FAM83A: variants seen among roughly 807,000 people sequenced by gnomAD.
The protein encoded by FAM83A is protein FAM83A.
A neutral mutation model predicts 24.4 loss-of-function variants in FAM83A; 21 were observed. The observed-to-expected ratio is 0.86, with a 90% confidence interval of 0.61 to 1.24. The LOEUF (loss-of-function observed/expected upper bound fraction) is 1.24, where lower values mean the gene tolerates loss of function less well. FAM83A is among the 50% of genes most tolerant of loss of function. The pLI is 0.00. For missense variants in FAM83A, 617 were observed against 579.8 expected, an observed-to-expected ratio of 1.06 and a Z score of -0.66; for synonymous variants, 270 against 252.4, an observed-to-expected ratio of 1.07 and a Z score of -0.66.
chr8:123,182,162 C>A (rs79026486), upstream of FAM83A: 1 of 455,170 alleles, frequency 2.2e-6, no homozygotes, highest in South Asian at 1.5e-5. Flanking sequence ...TCTGCAAACA[C>A]GACAATGACA....
chr8:123,201,058 G>C (rs996689843), intron 3 of FAM83A: 4 of 151,462 alleles, frequency 2.6e-5, no homozygotes, highest in Non-Finnish European at 5.9e-5. Flanking sequence ...GGGAGGGTGA[G>C]GCAGGAGAAT....
In FAM83A at chr8:123,209,748, C is replaced by T. The variant is rs1195530288; in HGVS notation, c.*2060C>T. Reference sequence around the variant, plus strand: ...AAGCCCCCCTACTCCTGACCACCCTCCATCAGCAGTCTCCCCTCCGTGGTC... The same window carrying T: ...AAGCCCCCCTACTCCTGACCACCCTTCATCAGCAGTCTCCCCTCCGTGGTC... On this transcript the variant is annotated 3_prime_UTR_variant, in exon 4 of 4. Transcript: ENST00000690554. The surrounding 1 kb of genome is among the most constrained non-coding windows in gnomAD (Gnocchi z 4.7). 3 of 597,872 alleles carry T rather than the reference C, an allele frequency of 5.0e-6. No homozygotes were observed. Among genetic ancestry groups the T allele is most frequent in the South Asian group, 2.2e-5 (1 of 46,456 alleles). 37.0% of individuals were successfully genotyped at this position (597,872 alleles called of 1,614,324 possible).
intron 1 of FAM83A, among the ~76,000 whole-genome samples, chr8:123,188,898 G>A (rs1823888156): frequency 6.6e-6 from 1 of 152,182 alleles, no homozygotes; most frequent in African/African-American, 2.4e-5. Context: ...CCTAGACAGG[G>A]TGAGCCTGTA....
At chr8:123,199,199 A>G (rs1381094433) in intron 3 of FAM83A, among the ~76,000 whole-genome samples, 5 of 152,200 alleles carry the variant, frequency 3.3e-5, no homozygotes, top group Admixed American at 3.3e-4. Context: ...GGCATCTGAG[A>G]TGCACTAAAA....
exon 4 of FAM83A, chr8:123,207,771 G>A (rs565898168): frequency 2.3e-5 from 33 of 1,409,618 alleles, no homozygotes; most frequent in African/African-American, 4.4e-5. Context: ...GACGAGTGGC[G>A]TTGAGCCACT....
In FAM83A at chr8:123,209,982, TG is replaced by T. The variant is rs1824682969; in HGVS notation, c.*2298del. 5.2e-6 allele frequency: 1 copy of T among 191,534 alleles called. No individual in the cohort carries two copies. Among genetic ancestry groups the T allele is most frequent in the Admixed American group, 5.3e-5 (1 of 18,874 alleles). The allele number at this position is 191,534 out of a possible 1,614,324, so 11.9% of individuals were successfully genotyped here. A position where few individuals can be genotyped will look rare whatever the true frequency, so the allele number is the denominator to read the frequency against. ...CAGTTGAAACCCTCCTCTGCCAGCC[TG>T]GGGTCCTAAGCGATGAGCAGAATCC... On this transcript the variant is annotated 3_prime_UTR_variant, in exon 4 of 4. Transcript: ENST00000690554. This position sits in a 1 kb window ranked among gnomAD's most constrained non-coding sequence, Gnocchi z 4.7.
chr8:123,183,605 T>A (rs1054271029), intron 1 of FAM83A, among the ~76,000 whole-genome samples: 2 of 151,954 alleles, frequency 1.3e-5, no homozygotes, highest in Admixed American at 6.6e-5. Context: ...ATCCCCAGCG[T>A]CACAGTCTCC....
intron 3 of FAM83A, among the ~76,000 whole-genome samples, chr8:123,194,544 T>C (rs1473686687): frequency 6.6e-6 from 1 of 150,516 alleles, no homozygotes; most frequent in Non-Finnish European, 1.5e-5. Context: ...AGTGCAGTGG[T>C]GCAATCACAG....
At chr8:123,207,823 G>A in exon 4 of FAM83A, 6 of 1,401,452 alleles carry the variant, frequency 4.3e-6, no homozygotes, top group Non-Finnish European at 5.5e-6. Flanking sequence ...ATGGTTCAAT[G>A]TTCCCAGGCC....
exon 4 of FAM83A, chr8:123,207,423 G>C: frequency 6.2e-7 from 1 of 1,609,650 alleles, no homozygotes; most frequent in Non-Finnish European, 8.5e-7. Context: ...CCCGGTACCC[G>C]AAGTGTGTCC....
At chr8:123,208,042 G>C (rs1339958340) in exon 4 of FAM83A, 1 of 1,084,506 alleles carries the variant, frequency 9.2e-7, no homozygotes, top group Non-Finnish European at 1.1e-6. Flanking sequence ...TGCAGCCCAA[G>C]TTTTACAAAT....
At chr8:123,206,496 C>T (rs912593890) in intron 3 of FAM83A, among the ~76,000 whole-genome samples, 3 of 152,188 alleles carry the variant, frequency 2.0e-5, no homozygotes, top group African/African-American at 7.2e-5. Context: ...TGGTTAAAGG[C>T]GCGCTGGCCC....
At chr8:123,201,080 GGGAGGT>G (rs889105354) in intron 3 of FAM83A, 10 of 151,704 alleles carry the variant, frequency 6.6e-5, no homozygotes, top group South Asian at 2.1e-4. Context: ...ACTTGAACCT[GGGAGGT>G]GGAAGTTGTA....
At chr8:123,207,454 C>T (rs1160934433) in exon 4 of FAM83A, 1 of 1,595,676 alleles carries the variant, frequency 6.3e-7, no homozygotes, top group Non-Finnish European at 8.5e-7. Flanking sequence ...GGCCCTGTAG[C>T]CCCGCGGCCC....
intron 1 of FAM83A, among the ~76,000 whole-genome samples, chr8:123,184,802 CCT>C (rs1277794974): frequency 6.6e-6 from 1 of 152,098 alleles, no homozygotes; most frequent in African/African-American, 2.4e-5. Context: ...TCCCTCTCTC[CCT>C]CTCTCTCATT....
At chr8:123,181,064 T>A (rs1823586398), upstream of FAM83A, among the ~76,000 whole-genome samples, 2 of 152,242 alleles carry the variant, frequency 1.3e-5, no homozygotes, top group African/African-American at 2.4e-5. Context: ...CTGCCTGATC[T>A]CCTGCCCCAG....
intron 1 of FAM83A, 70 bp from the exon 2 acceptor site, chr8:123,191,733 C>A: frequency 6.5e-7 from 1 of 1,543,680 alleles, no homozygotes; most frequent in African/African-American, 1.4e-5. Context: ...GGGACTCAGG[C>A]AGTTTGGGTG....
intron 3 of FAM83A, chr8:123,201,900 G>A (rs1002380062): frequency 6.6e-6 from 1 of 152,484 alleles, no homozygotes; most frequent in African/African-American, 2.4e-5. Flanking sequence ...AGCTGAGAGG[G>A]AGCCACCACT....
intron 3 of FAM83A, among the ~76,000 whole-genome samples, chr8:123,196,342 C>A (rs909502975): frequency 6.6e-6 from 1 of 152,206 alleles, no homozygotes; most frequent in Admixed American, 6.5e-5. Flanking sequence ...ATAGTTTTAT[C>A]ATCTCTGTCT....
Sources: allele counts gnomAD v4.1 joint callset (sites outside exome capture counted in the v4.1 genomes callset), GRCh38; gene constraint gnomAD v4.1.1; non-coding constraint Gnocchi (gnomAD v3.1); transcripts MANE v1.5; gene names NCBI Gene and HGNC (gene_info 2026-07-23, HGNC 2026-07-21).